Variants in PRH1 observed in about 807,000 individuals in gnomAD.
PRH1 encodes salivary acidic proline-rich phosphoprotein 1/2.
In PRH1, 7 loss-of-function variants were observed where a neutral mutation model predicts 7.9. The ratio of observed to expected loss-of-function variants is 0.89; its 90% CI spans 0.50 to 1.67. PRH1 has a LOEUF of 1.67. PRH1 is among the 40% of genes most tolerant of loss of function. PRH1 has a pLI of 0.00. For synonymous variants in PRH1, 45 were observed against 80.8 expected (o/e 0.56, Z 2.38); for missense variants, 109 against 223.6 (o/e 0.49, Z 3.27).
intron 2 of PRH1, chr12:10,965,031 G>GAATCTT: frequency 1.1e-6 from 1 of 918,454 alleles, no homozygotes; most frequent in Non-Finnish European, 1.7e-6. Context: ...GCAATCTTGA[G>GAATCTT]GAAATAAAAT....
At chr12:11,080,875 A>C in intron 1 of PRH1, among the ~76,000 whole-genome samples, 1 of 117,634 alleles carries the variant, frequency 8.5e-6, no homozygotes, top group African/African-American at 2.8e-5. Flanking sequence ...TTTCTGTTAA[A>C]ATCAGGTTGT....
intron 1 of PRH1, among the ~76,000 whole-genome samples, chr12:11,040,138 G>C (rs1425546678): frequency 3.9e-5 from 6 of 152,078 alleles, no homozygotes; most frequent in Non-Finnish European, 2.9e-5. Context: ...AGAGTTCTTT[G>C]TATATGAATA....
At chr12:11,153,538 G>A (rs1378618672) in intron 1 of PRH1, among the ~76,000 whole-genome samples, 5 of 152,112 alleles carry the variant, frequency 3.3e-5, no homozygotes, top group South Asian at 2.1e-4. Context: ...CTGGTGCACC[G>A]TTGCCAGGAG....
chr12:11,065,078 T>C (rs935886350), intron 1 of PRH1, among the ~76,000 whole-genome samples: 1 of 152,078 alleles, frequency 6.6e-6, no homozygotes, highest in Non-Finnish European at 1.5e-5. Flanking sequence ...TTTTCTATTA[T>C]CTGAAAAAAA....
At chr12:10,969,957 C>G (rs1938720217) in intron 2 of PRH1, among the ~76,000 whole-genome samples, 1 of 152,110 alleles carries the variant, frequency 6.6e-6, no homozygotes, top group Admixed American at 6.5e-5. Context: ...TCCACCACCA[C>G]ACCCGGCTAA....
intron 2 of PRH1, among the ~76,000 whole-genome samples, chr12:10,903,946 A>AAAAAAAAAC (rs1482911404): frequency 6.8e-6 from 1 of 146,352 alleles, no homozygotes; most frequent in Non-Finnish European, 1.5e-5. Context: ...AAAAAAAAAA[A>AAAAAAAAAC]AAAAAAAACA....
At chr12:11,005,331 T>C (rs1011475822) in intron 1 of PRH1, among the ~76,000 whole-genome samples, 3 of 152,178 alleles carry the variant, frequency 2.0e-5, no homozygotes, top group Non-Finnish European at 4.4e-5. Flanking sequence ...GTACTTTTCC[T>C]TGTTTAACCT....
intron 1 of PRH1, among the ~76,000 whole-genome samples, chr12:11,144,774 T>C (rs1021778904): frequency 6.6e-6 from 1 of 152,228 alleles, no homozygotes; most frequent in Non-Finnish European, 1.5e-5. Flanking sequence ...CCTTCTGCCC[T>C]GCTTCCTCTA....
chr12:11,025,086 T>C (rs1246562059), intron 1 of PRH1, among the ~76,000 whole-genome samples: 1 of 151,514 alleles, frequency 6.6e-6, no homozygotes, highest in Non-Finnish European at 1.5e-5. Flanking sequence ...TGGCACGATC[T>C]CTGCTCACTG....
intron 1 of PRH1, among the ~76,000 whole-genome samples, chr12:11,008,714 TC>T (rs982118305): frequency 6.6e-6 from 1 of 152,164 alleles, no homozygotes; most frequent in African/African-American, 2.4e-5. Context: ...GTGATTTATT[TC>T]TTTTCATTTC....
At chr12:11,037,603 A>C (rs1361833782) in intron 1 of PRH1, among the ~76,000 whole-genome samples, 3 of 152,246 alleles carry the variant, frequency 2.0e-5, no homozygotes, top group Non-Finnish European at 2.9e-5. Flanking sequence ...ACACTTTCAA[A>C]TGTGTATCAT....
intron 1 of PRH1, among the ~76,000 whole-genome samples, chr12:11,102,530 C>T (rs558663305): frequency 6.6e-6 from 1 of 152,154 alleles, no homozygotes; most frequent in Non-Finnish European, 1.5e-5. Flanking sequence ...ACACCTTATA[C>T]AAAAATTAAT....
intron 1 of PRH1, among the ~76,000 whole-genome samples, chr12:11,136,123 A>G (rs1946543666): frequency 6.6e-6 from 1 of 152,242 alleles, no homozygotes; most frequent in Non-Finnish European, 1.5e-5. Context: ...AGCAATATCC[A>G]TAATTTATAT....
intron 1 of PRH1, among the ~76,000 whole-genome samples, chr12:11,109,945 C>G (rs994117604): frequency 6.6e-6 from 1 of 152,044 alleles, no homozygotes; most frequent in African/African-American, 2.4e-5. Context: ...CAATTGCTAC[C>G]TGGAATAACC....
intron 1 of PRH1, chr12:11,091,933 A>G (rs779787864): frequency 1.6e-6 from 2 of 1,230,016 alleles, no homozygotes; most frequent in South Asian, 2.4e-5. Flanking sequence ...TGAGGGTAGT[A>G]GCAAGCCAGT....
intron 1 of PRH1, among the ~76,000 whole-genome samples, chr12:11,010,914 A>C (rs1221534151): frequency 6.6e-6 from 1 of 151,908 alleles, no homozygotes; most frequent in Non-Finnish European, 1.5e-5. Flanking sequence ...GAAGTTTCAA[A>C]TACTCTTGTT....
At chr12:10,965,831 C>G (rs775160231) in intron 2 of PRH1, among the ~76,000 whole-genome samples, 1 of 152,190 alleles carries the variant, frequency 6.6e-6, no homozygotes, top group East Asian at 1.9e-4. Context: ...TAACTAGGAT[C>G]ATCACCATGA....
intron 1 of PRH1, among the ~76,000 whole-genome samples, chr12:11,151,158 TG>T (rs1395560312): frequency 2.0e-5 from 3 of 152,164 alleles, no homozygotes; most frequent in Admixed American, 2.0e-4. Context: ...TTTCCTGTCT[TG>T]GGATTTACCT....
intron 1 of PRH1, chr12:10,986,511 A>G: frequency 6.2e-7 from 1 of 1,614,086 alleles, no homozygotes. Context: ...ATGAAGAAAA[A>G]GAAGGTTGGA....
Sources: gnomAD v4.1 joint callset for allele counts (sites outside exome capture counted in the v4.1 genomes callset) on GRCh38, gnomAD v4.1.1 for gene constraint, MANE v1.5 for transcripts, NCBI Gene and HGNC (gene_info 2026-07-23, HGNC 2026-07-21) for gene names.